The following NLGN4X variants were observed in gnomAD, a reference collection of about 807,000 sequenced individuals.
The protein encoded by NLGN4X is neuroligin 4 X-linked, also known as neuroligin-4, X-linked.
In NLGN4X, 3 loss-of-function variants were observed where a neutral mutation model predicts 40.3. The ratio of observed to expected loss-of-function variants is 0.07; its 90% CI spans 0.03 to 0.19. NLGN4X has a LOEUF of 0.19. NLGN4X is among the 10% of genes least tolerant of loss of function. The pLI, the probability that NLGN4X is intolerant of heterozygous loss-of-function variation, is 1.00. For missense variants in NLGN4X, 382 were observed against 708.3 expected (o/e 0.54, Z 5.23); for synonymous variants, 270 against 306.8 (o/e 0.88, Z 1.25).
chrX:6,097,195 A>G (rs371472276), intron 2 of NLGN4X, among the ~76,000 whole-genome samples: 1 of 105,615 alleles, frequency 9.5e-6, no homozygotes, highest in East Asian at 2.9e-4. Context: ...TCTTGAAGGT[A>G]TCTTTGCCTG....
intron 2 of NLGN4X, among the ~76,000 whole-genome samples, chrX:6,072,988 A>G (rs1335028069): frequency 4.4e-5 from 5 of 112,573 alleles, no homozygotes; most frequent in Non-Finnish European, 7.5e-5. Flanking sequence ...ATTCTGCATT[A>G]GTAAACAAGG....
chrX:6,220,473 C>T (rs1925557200), intron 1 of NLGN4X, among the ~76,000 whole-genome samples: 1 of 106,027 alleles, frequency 9.4e-6, no homozygotes, highest in African/African-American at 3.5e-5. Context: ...CATACAAGTA[C>T]ACAACATTGC....
intron 1 of NLGN4X, among the ~76,000 whole-genome samples, chrX:6,155,545 G>A (rs1472748154): frequency 9.0e-6 from 1 of 111,542 alleles, no homozygotes; most frequent in Admixed American, 9.5e-5. Context: ...CAAAATGAAT[G>A]ACCACTCTCC....
chrX:5,978,030 A>G (rs780254934), intron 3 of NLGN4X, among the ~76,000 whole-genome samples: 1 of 112,396 alleles, frequency 8.9e-6, no homozygotes, highest in African/African-American at 3.2e-5. Context: ...TGCTTTCAAC[A>G]TGTCTGTGGA....
chrX:5,917,849 G>A (rs989735533), intron 3 of NLGN4X, among the ~76,000 whole-genome samples: 9 of 112,186 alleles, frequency 8.0e-5, no homozygotes, highest in African/African-American at 2.9e-4. Context: ...ATGGTAAAGC[G>A]AGATTGTGTG....
chrX:6,225,652 T>C (rs1023562494), intron 1 of NLGN4X, among the ~76,000 whole-genome samples: 26 of 97,660 alleles, frequency 2.7e-4, no homozygotes, highest in Non-Finnish European at 5.3e-4. Flanking sequence ...GAGGTCTCCC[T>C]AAACTTTTTC....
chrX:6,026,276 T>C (rs1384108690), intron 3 of NLGN4X, among the ~76,000 whole-genome samples: 4 of 111,351 alleles, frequency 3.6e-5, no homozygotes, highest in African/African-American at 1.3e-4. Context: ...ATTTTTCCAT[T>C]CCTCAGGTAG....
chrX:6,058,155 T>C (rs1368294510), intron 2 of NLGN4X, among the ~76,000 whole-genome samples: 3 of 107,093 alleles, frequency 2.8e-5, no homozygotes, highest in Non-Finnish European at 6.0e-5. Context: ...AAAATTTGTG[T>C]ATACATGCAC....
chrX:6,019,669 A>G (rs1446059083), intron 3 of NLGN4X, among the ~76,000 whole-genome samples: 1 of 111,181 alleles, frequency 9.0e-6, no homozygotes, highest in Non-Finnish European at 1.9e-5. Context: ...TTAAAGCACA[A>G]CTTATGTCCT....
intron 2 of NLGN4X, among the ~76,000 whole-genome samples, chrX:6,092,758 T>C (rs959617764): frequency 1.8e-5 from 2 of 111,654 alleles, no homozygotes; most frequent in East Asian, 5.7e-4. Context: ...ACTGTATTTG[T>C]TGAAATAAAT....
intron 2 of NLGN4X, among the ~76,000 whole-genome samples, chrX:6,085,037 T>C (rs1409827280): frequency 9.1e-6 from 1 of 109,560 alleles, no homozygotes; most frequent in Non-Finnish European, 1.9e-5. Context: ...CTAGCAGTGC[T>C]ATGGGACACA....
chrX:6,113,732 T>G (rs951438059), intron 2 of NLGN4X, among the ~76,000 whole-genome samples: 1 of 110,224 alleles, frequency 9.1e-6, no homozygotes, highest in African/African-American at 3.3e-5. Flanking sequence ...AAATAGCAGA[T>G]GGACTTAAGG....
At chrX:6,054,738 A>C in intron 2 of NLGN4X, among the ~76,000 whole-genome samples, 1 of 107,315 alleles carries the variant, frequency 9.3e-6, no homozygotes, top group East Asian at 2.9e-4. Context: ...GCTCACTGCA[A>C]CCTCCATCTC....
chrX:6,128,932 T>A (rs1188281907), intron 2 of NLGN4X, among the ~76,000 whole-genome samples: 1 of 112,077 alleles, frequency 8.9e-6, no homozygotes, highest in East Asian at 2.8e-4. Context: ...TTCCTTGAAG[T>A]GCAATGCATT....
At chrX:6,041,081 G>A (rs1298906468) in intron 2 of NLGN4X, among the ~76,000 whole-genome samples, 2 of 111,438 alleles carry the variant, frequency 1.8e-5, no homozygotes, top group African/African-American at 3.3e-5. Flanking sequence ...TTCATTATAA[G>A]AGGACTTGAA....
intron 2 of NLGN4X, among the ~76,000 whole-genome samples, chrX:6,040,477 T>A (rs779880110): frequency 1.4e-4 from 14 of 98,795 alleles, no homozygotes; most frequent in South Asian, 4.5e-4. Flanking sequence ...CTGCTTTTTT[T>A]AAAAAAAAAG....
At chrX:6,097,622 G>A (rs973849162) in intron 2 of NLGN4X, among the ~76,000 whole-genome samples, 3 of 111,601 alleles carry the variant, frequency 2.7e-5, no homozygotes, top group Admixed American at 9.5e-5. Flanking sequence ...GAAATAGATC[G>A]AATGTATTCA....
intron 1 of NLGN4X, among the ~76,000 whole-genome samples, chrX:6,188,376 A>G: frequency 8.9e-6 from 1 of 112,283 alleles, no homozygotes; most frequent in Admixed American, 9.5e-5. Context: ...TTACTCTTCA[A>G]TTGATGAGCT....
chrX:5,893,642 C>T lies in NLGN4X; in HGVS notation c.1626G>A (p.Gln542=), dbSNP rs1172064689. ...KTGDPNQPVP[Q]DTKFIHTKPN... is the part of the protein sequence containing the mutation. ...GTTTTGTGTGAATGAACTTGGTATCCTGAGGAACTGGTTGATTTGGATCAC... is the reference window on the plus strand; with the variant it reads ...GTTTTGTGTGAATGAACTTGGTATCTTGAGGAACTGGTTGATTTGGATCAC... The change falls in exon 6 of 6, where the codon CAG becomes CAA. Residue 542 remains glutamine (Q), a synonymous_variant. Coordinates refer to ENST00000381095, the MANE Select transcript of NLGN4X (RefSeq NM_181332.3). 5.0e-6 allele frequency: 6 copies of T among 1,211,048 alleles called. No individual in the cohort carries two copies. The highest frequency in any genetic ancestry group is 1.8e-5 in the South Asian group (1 of 56,956).
Sources: allele counts gnomAD v4.1 joint callset (sites outside exome capture counted in the v4.1 genomes callset), GRCh38; gene constraint gnomAD v4.1.1; transcripts MANE v1.5; gene names NCBI Gene and HGNC (gene_info 2026-07-23, HGNC 2026-07-21).